Variants in NEK5 observed in about 807,000 individuals in gnomAD.
NEK5 encodes the protein serine/threonine-protein kinase Nek5.
A neutral mutation model predicts 109.2 loss-of-function variants in NEK5; 88 were observed. The observed-to-expected ratio is 0.81, with a 90% CI of 0.68 to 0.96. NEK5 has a LOEUF of 0.96. Among genes scored for constraint, NEK5 ranks in the 40% least tolerant of loss-of-function variants. NEK5 has a pLI of 0.00. For synonymous variants in NEK5, 283 were observed against 299.9 expected, an observed-to-expected ratio of 0.94 and a Z score of 0.58; for missense variants, 834 against 920.7, an observed-to-expected ratio of 0.91 and a Z score of 1.22.
chr13:52,098,112 G>A (rs748453827), intron 12 of NEK5, among the ~76,000 whole-genome samples: 9 of 152,044 alleles, frequency 5.9e-5, no homozygotes, highest in Non-Finnish European at 1.0e-4. Context: ...CTGCAGAACT[G>A]TAAGCCAATT....
intron 12 of NEK5, among the ~76,000 whole-genome samples, chr13:52,094,606 AC>A (rs1441347704): frequency 6.6e-6 from 1 of 152,096 alleles, no homozygotes; most frequent in East Asian, 1.9e-4. Context: ...ACAAGGTGAA[AC>A]CCCGTCTCTA....
chr13:52,093,184 AATC>A lies in NEK5; in HGVS notation c.1075_1077del (p.Asp359del). On this transcript the variant is annotated inframe_deletion, in exon 13 of 24. Transcript: ENST00000684899. Reference sequence around the variant, plus strand: ...AGCATATCAAGTTGAGCATAATAATAATCATAATGTCCACAGACAGCAGCAATT... The same window carrying A: ...AGCATATCAAGTTGAGCATAATAATAATAATGTCCACAGACAGCAGCAATT... 1 of 1,613,348 alleles carries A rather than the reference AATC, an allele frequency of 6.2e-7. No individual in the cohort carries two copies. The highest frequency in any genetic ancestry group is 8.5e-7 in the Non-Finnish European group (1 of 1,179,322).
At chr13:52,096,378 T>TA (rs1481119393) in intron 12 of NEK5, among the ~76,000 whole-genome samples, 5 of 152,144 alleles carry the variant, frequency 3.3e-5, no homozygotes, top group Non-Finnish European at 5.9e-5. Context: ...AGAGACTTCT[T>TA]AAAATCATAG....
intron 16 of NEK5, among the ~76,000 whole-genome samples, chr13:52,083,878 C>T (rs1450125587): frequency 6.6e-6 from 1 of 152,178 alleles, no homozygotes; most frequent in Admixed American, 6.5e-5. Flanking sequence ...CTGCCCATCC[C>T]AGATCAGCCT....
chr13:52,114,024 AT>A (rs2138081269), intron 4 of NEK5, among the ~76,000 whole-genome samples: 1 of 152,344 alleles, frequency 6.6e-6, no homozygotes, highest in East Asian at 1.9e-4. Flanking sequence ...AGTTTATGGT[AT>A]TTTGTTATAG....
chr13:52,100,330 G>A (rs1480254088), intron 11 of NEK5, among the ~76,000 whole-genome samples: 1 of 152,060 alleles, frequency 6.6e-6, no homozygotes, highest in African/African-American at 2.4e-5. Context: ...GGCAGGGTCT[G>A]AGCTCACTGC....
rs1017245095 is a variant in NEK5, at chr13:52,056,801, T to C, written c.2110+5018A>G. Among the ~76,000 whole-genome samples the C allele has an allele frequency of 2.0e-5, 3 of 151,020 alleles. No individual in the cohort carries two copies. The East Asian group carries it at 5.8e-4, about 29-fold the overall frequency. On this transcript the variant is annotated intron_variant, in intron 22 of 23. Transcript: ENST00000684899. ...TCTCTGGGACGCATTCAAAGCAGTG[T>C]GTAGAGGGAAATTTATAGCACTAAA...
intron 3 of NEK5, among the ~76,000 whole-genome samples, chr13:52,120,704 A>G (rs1955950654): frequency 6.6e-6 from 1 of 152,142 alleles, no homozygotes; most frequent in Non-Finnish European, 1.5e-5. Context: ...TGAGGCCAGG[A>G]GTTCAAGACC....
chr13:52,084,612 C>G (rs1287386187), intron 16 of NEK5, among the ~76,000 whole-genome samples: 3 of 151,978 alleles, frequency 2.0e-5, no homozygotes, highest in Non-Finnish European at 4.4e-5. Flanking sequence ...AATCATGGCT[C>G]ACTGCAGCCT....
At chr13:52,087,816 AG>A (rs1483136856) in intron 14 of NEK5, among the ~76,000 whole-genome samples, 1 of 151,862 alleles carries the variant, frequency 6.6e-6, no homozygotes, top group African/African-American at 2.4e-5. Flanking sequence ...CAGTAGAGAC[AG>A]GGTTTCACTG....
intron 3 of NEK5, among the ~76,000 whole-genome samples, chr13:52,122,826 T>C (rs933915108): frequency 1.3e-5 from 2 of 152,178 alleles, no homozygotes; most frequent in African/African-American, 2.4e-5. Context: ...TATATACTTA[T>C]ACATTAAAAA....
At chr13:52,121,612 G>A (rs1358189979) in intron 3 of NEK5, among the ~76,000 whole-genome samples, 1 of 152,144 alleles carries the variant, frequency 6.6e-6, no homozygotes, top group African/African-American at 2.4e-5. Flanking sequence ...AAGTGAATAA[G>A]GTAAAAGTGA....
At chr13:52,107,308 C>A (rs1468665250) in intron 8 of NEK5, among the ~76,000 whole-genome samples, 1 of 151,996 alleles carries the variant, frequency 6.6e-6, no homozygotes, top group Non-Finnish European at 1.5e-5. Context: ...AAAGCCAGTG[C>A]CCAGCCAGGC....
At chr13:52,041,596 C>T (rs1178726037) in intron 23 of NEK5, among the ~76,000 whole-genome samples, 4 of 151,566 alleles carry the variant, frequency 2.6e-5, no homozygotes, top group African/African-American at 9.7e-5. Flanking sequence ...GGCGTGGTGG[C>T]ACAAGCCTGT....
At chr13:52,049,121 C>T (rs1025276206) in intron 23 of NEK5, among the ~76,000 whole-genome samples, 5 of 151,982 alleles carry the variant, frequency 3.3e-5, no homozygotes, top group Non-Finnish European at 7.4e-5. Flanking sequence ...TTTTTATTTG[C>T]CAATTAAAAA....
rs1955278106 is a variant in NEK5 at position 52,091,268 on chromosome 13, T to A, written c.1208+1786A>T. Among the ~76,000 whole-genome samples the A allele has an allele frequency of 2.0e-5, 3 of 152,298 alleles. No homozygotes were observed. The South Asian group carries it at 6.2e-4, about 32-fold the overall frequency. The stretch of plus-strand genomic sequence containing the variant: ...ATCTAGACAAAGAGTGGAAGATATA[T>A]TTTCCCAGTGGTTGAGAAAAGAGAA... On this transcript the variant is annotated intron_variant, in intron 13 of 23. Coordinates refer to ENST00000684899, the MANE Select transcript of NEK5 (RefSeq NM_001365552.1).
chr13:52,110,804 C>T (rs983932161), intron 5 of NEK5, among the ~76,000 whole-genome samples: 2 of 152,114 alleles, frequency 1.3e-5, no homozygotes. Context: ...CCAAATATCA[C>T]TGGTAAAATC....
At chr13:52,089,654 G>A (rs943856015) in intron 13 of NEK5, among the ~76,000 whole-genome samples, 3 of 152,098 alleles carry the variant, frequency 2.0e-5, no homozygotes, top group Non-Finnish European at 2.9e-5. Flanking sequence ...AAGTTCTCAC[G>A]CTTTGTGTAG....
intron 22 of NEK5, among the ~76,000 whole-genome samples, chr13:52,056,388 C>G (rs372695534): frequency 6.6e-6 from 1 of 151,668 alleles, no homozygotes; most frequent in Non-Finnish European, 1.5e-5. Flanking sequence ...GACAGATCAA[C>G]GAGACAGAAA....
Sources: gnomAD v4.1 joint callset for allele counts (sites outside exome capture counted in the v4.1 genomes callset) on GRCh38, gnomAD v4.1.1 for gene constraint, MANE v1.5 for transcripts, NCBI Gene and HGNC (gene_info 2026-07-23, HGNC 2026-07-21) for gene names.